ITGA1: variants seen among roughly 807,000 people sequenced by gnomAD.
ITGA1 encodes the protein integrin alpha-1.
ITGA1 carries 85 observed loss-of-function variants against 145.9 expected under a neutral mutation model. The observed-to-expected ratio is 0.58, with a 90% CI of 0.49 to 0.70. The LOEUF (loss-of-function observed/expected upper bound fraction) is 0.70. Ranked by LOEUF, ITGA1 falls within the 30% of genes least tolerant of loss-of-function variation. ITGA1 has a pLI of 0.00. For synonymous variants in ITGA1, 520 were observed against 495.3 expected, an observed-to-expected ratio of 1.05 and a Z score of -0.66; for missense variants, 1,351 against 1,418.7, an observed-to-expected ratio of 0.95 and a Z score of 0.77.
chr5:52,942,798 C>T (rs1279338786), intron 26 of ITGA1, among the ~76,000 whole-genome samples: 3 of 151,846 alleles, frequency 2.0e-5, no homozygotes, highest in African/African-American at 7.3e-5. Flanking sequence ...ACCTCAGCCT[C>T]CCAAAGTGCT....
intron 6 of ITGA1, among the ~76,000 whole-genome samples, chr5:52,878,836 A>C (rs1026483088): frequency 6.6e-6 from 1 of 152,138 alleles, no homozygotes. Flanking sequence ...AGGAGGAGAT[A>C]ATTGGATTTA....
chr5:52,800,091 C>G (rs886694100), intron 1 of ITGA1: 7 of 363,346 alleles, frequency 1.9e-5, no homozygotes, highest in African/African-American at 1.1e-4. Flanking sequence ...TGCGCATGCG[C>G]CTTCATTTCG....
chr5:52,791,484 A>G (rs1311971649), intron 1 of ITGA1, among the ~76,000 whole-genome samples: 2 of 152,230 alleles, frequency 1.3e-5, no homozygotes, highest in Admixed American at 1.3e-4. Flanking sequence ...GAAAATAAAT[A>G]TACCTCCTTT....
At chr5:52,891,853 A>C (rs1750156689) in intron 8 of ITGA1, among the ~76,000 whole-genome samples, 1 of 152,040 alleles carries the variant, frequency 6.6e-6, no homozygotes, top group Admixed American at 6.6e-5. Flanking sequence ...GTTAAATTTT[A>C]CATATTGTTT....
intron 1 of ITGA1, chr5:52,801,591 T>A: frequency 6.2e-7 from 1 of 1,614,086 alleles, no homozygotes; most frequent in Non-Finnish European, 8.5e-7. Flanking sequence ...AGAAGGCCAA[T>A]GAAGCCATGG....
At chr5:52,800,659 C>A in intron 1 of ITGA1, 1 of 1,614,144 alleles carries the variant, frequency 6.2e-7, no homozygotes, top group Non-Finnish European at 8.5e-7. Context: ...GACCAACATC[C>A]AAGAGAATGA....
intron 28 of ITGA1, among the ~76,000 whole-genome samples, chr5:52,949,487 G>A (rs1359441914): frequency 2.0e-5 from 3 of 152,082 alleles, no homozygotes; most frequent in Non-Finnish European, 4.4e-5. Flanking sequence ...TACACCTGAG[G>A]ACATTAAAGC....
chr5:52,935,275 G>A (rs545368180), intron 23 of ITGA1, among the ~76,000 whole-genome samples: 264 of 151,896 alleles, frequency 1.7e-3, no homozygotes, highest in African/African-American at 6.2e-3. Context: ...TTTACTGCTC[G>A]GAATTTTCCC....
At chr5:52,799,252 G>A (rs1349927634) in intron 1 of ITGA1, among the ~76,000 whole-genome samples, 1 of 152,158 alleles carries the variant, frequency 6.6e-6, no homozygotes, top group Non-Finnish European at 1.5e-5. Context: ...AATAAAGAAT[G>A]CTAAGTAACT....
intron 17 of ITGA1, among the ~76,000 whole-genome samples, chr5:52,922,095 G>A (rs1183093300): frequency 6.6e-6 from 1 of 152,092 alleles, no homozygotes; most frequent in African/African-American, 2.4e-5. Context: ...GAGGTCAGGA[G>A]TTCGAGACCA....
intron 1 of ITGA1, among the ~76,000 whole-genome samples, chr5:52,821,611 A>G (rs1748880634): frequency 6.6e-6 from 1 of 152,178 alleles, no homozygotes; most frequent in Non-Finnish European, 1.5e-5. Context: ...ATACTCATAC[A>G]GTATTGTAAG....
intron 6 of ITGA1, among the ~76,000 whole-genome samples, chr5:52,869,642 A>C (rs1402900515): frequency 6.6e-6 from 1 of 152,198 alleles, no homozygotes; most frequent in African/African-American, 2.4e-5. Flanking sequence ...CCAGTGGTTT[A>C]CTGTGGCACA....
intron 1 of ITGA1, chr5:52,800,023 T>C: frequency 3.5e-6 from 1 of 286,016 alleles, no homozygotes; most frequent in African/African-American, 2.2e-5. Context: ...ACGCGCGAAC[T>C]GCGGCCCCGC....
intron 1 of ITGA1, among the ~76,000 whole-genome samples, chr5:52,814,168 A>G (rs1434588936): frequency 6.6e-6 from 1 of 152,132 alleles, no homozygotes; most frequent in African/African-American, 2.4e-5. Context: ...TGATTTTGAG[A>G]CAGAGTCTCG....
At chr5:52,946,239 TA>T (rs1032853334) in intron 27 of ITGA1, among the ~76,000 whole-genome samples, 21 of 152,192 alleles carry the variant, frequency 1.4e-4, no homozygotes, top group Non-Finnish European at 7.3e-5. Flanking sequence ...TACATATGTT[TA>T]AAATCTGCCT....
chr5:52,876,348 G>T lies in ITGA1; in HGVS notation c.625-5525G>T, dbSNP rs1749865633. 2.0e-5 allele frequency among the ~76,000 whole-genome samples: 3 copies of T among 152,052 alleles called. No individual in the cohort carries two copies. In the South Asian group the frequency reaches 6.2e-4, roughly 32 times the overall value. ...TTGTCTGTAATGAAAATTAACACTA[G>T]GTTAGTGCCAAAGTAATTGCGGTTT... On this transcript the variant is annotated intron_variant, in intron 6 of 28. Transcript: ENST00000282588.
chr5:52,869,709 T>G (rs966235430), intron 6 of ITGA1, among the ~76,000 whole-genome samples: 1 of 152,222 alleles, frequency 6.6e-6, no homozygotes, highest in African/African-American at 2.4e-5. Flanking sequence ...GAGTCCAGTT[T>G]TGTATTTTTC....
intron 17 of ITGA1, among the ~76,000 whole-genome samples, chr5:52,921,087 A>G (rs936212627): frequency 2.6e-5 from 4 of 151,952 alleles, no homozygotes; most frequent in South Asian, 4.1e-4. Flanking sequence ...TTTAAAATGT[A>G]TTTTGTTGGG....
At chr5:52,840,050 T>C (rs1185175339) in intron 1 of ITGA1, among the ~76,000 whole-genome samples, 1 of 152,168 alleles carries the variant, frequency 6.6e-6, no homozygotes, top group African/African-American at 2.4e-5. Context: ...AAATTAAAAA[T>C]AATTTATTTT....
Sources: allele counts gnomAD v4.1 joint callset (sites outside exome capture counted in the v4.1 genomes callset), GRCh38; gene constraint gnomAD v4.1.1; transcripts MANE v1.5; gene names NCBI Gene and HGNC (gene_info 2026-07-23, HGNC 2026-07-21).